FAM222A: variants seen among roughly 807,000 people sequenced by gnomAD.
The protein encoded by FAM222A is protein FAM222A.
In FAM222A, 7 loss-of-function variants were observed where a neutral mutation model predicts 25.8. The observed-to-expected ratio is 0.27, with a 90% CI of 0.15 to 0.51. The LOEUF is 0.51. Among genes scored for constraint, FAM222A ranks in the 20% least tolerant of loss-of-function variants. The pLI, the probability that FAM222A is intolerant of heterozygous loss-of-function variation, is 0.97. For synonymous variants in FAM222A, 294 were observed against 298.8 expected (o/e 0.98, Z 0.17); for missense variants, 573 against 640.5 (o/e 0.89, Z 1.14).
At position 109,748,334 on chromosome 12, in the gene FAM222A, CTT is replaced by C. The variant is rs61492433; in HGVS notation, c.82+4125_82+4126del. ...AAGAGATTGTTCTTTGGTTTTCTTT[CTT>C]TTTTTTTTTTTTTTTTTTGGAACAA... On this transcript the variant is annotated intron_variant, in intron 2 of 2. Coordinates refer to ENST00000538780, the MANE Select transcript of FAM222A (RefSeq NM_032829.3). Among the ~76,000 whole-genome samples the C allele has an allele frequency of 1.2e-3, 96 of 81,654 alleles. 1 individual carries two copies. The highest frequency in any genetic ancestry group is 2.9e-3 in the Admixed American group (25 of 8,714). The allele number at this position is 81,654 out of a possible 152,430, so 53.6% of individuals were successfully genotyped here.
In FAM222A at chr12:109,770,309, G is replaced by C. The variant is rs559800196; in HGVS notation, c.*1021G>C. ...TCCCCTCACGAAGTCCTCAAGTCCT[G>C]GCCCCTCTGGCGCTCTGGAAGCGGT... On this transcript the variant is annotated 3_prime_UTR_variant, in exon 3 of 3. Coordinates refer to ENST00000538780, the MANE Select transcript of FAM222A (RefSeq NM_032829.3). 1 of 152,718 alleles carries C rather than the reference G, an allele frequency of 6.5e-6. No homozygotes were observed. Among genetic ancestry groups the C allele is most frequent in the East Asian group, 1.9e-4 (1 of 5,184 alleles). 9.5% of individuals were successfully genotyped at this position (152,718 alleles called of 1,614,324 possible).
Position 109,717,362 on chromosome 12 carries a change from T to C in FAM222A, c.-47+2465T>C, listed in dbSNP as rs1453083871. Among the ~76,000 whole-genome samples the C allele has an allele frequency of 2.0e-5, 3 of 152,240 alleles. No individual in the cohort carries two copies. The East Asian group carries it at 5.8e-4, about 29-fold the overall frequency. ...TCTGGGCTTGCTTGGAGGGAGGCGG[T>C]GAAGCTGCCCCTGGCCGCCCCAGGG... On this transcript the variant is annotated intron_variant, in intron 1 of 2. Coordinates refer to ENST00000538780, the MANE Select transcript of FAM222A (RefSeq NM_032829.3).
In FAM222A at chr12:109,770,002, T is replaced by C. The variant is rs12319172; in HGVS notation, c.*714T>C. 3,566 of 152,382 alleles carry C rather than the reference T, an allele frequency of 0.023. 134 individuals carry two copies. The highest frequency in any genetic ancestry group is 0.081 in the African/African-American group (3,366 of 41,562). 9.4% of individuals were successfully genotyped at this position (152,382 alleles called of 1,614,324 possible). A position where few individuals can be genotyped will look rare whatever the true frequency, so the allele number is the denominator to read the frequency against. On this transcript the variant is annotated 3_prime_UTR_variant, in exon 3 of 3. Coordinates refer to ENST00000538780, the MANE Select transcript of FAM222A (RefSeq NM_032829.3). The stretch of plus-strand genomic sequence containing the variant: ...GGGTACAGTTGTTCAGGCTGTGCAC[T>C]GCACAAGGGCACCTTGTCCAAGGAG...
Position 109,718,351 on chromosome 12 carries a change from G to A in FAM222A, c.-47+3454G>A, listed in dbSNP as rs191681577. Among the ~76,000 whole-genome samples the A allele has an allele frequency of 4.3e-3, 517 of 120,634 alleles. 2 individuals are homozygous for A. Among genetic ancestry groups the A allele is most frequent in the South Asian group, 6.0e-3 (24 of 3,974 alleles). 79.1% of individuals were successfully genotyped at this position (120,634 alleles called of 152,430 possible). Reference sequence around the variant, plus strand: ...ACCGGTGGCTCTTTTCTGAGCTTCTGCGGGGGCTGGGACTTGGCCGGGGGT... The same window carrying A: ...ACCGGTGGCTCTTTTCTGAGCTTCTACGGGGGCTGGGACTTGGCCGGGGGT... On this transcript the variant is annotated intron_variant, in intron 1 of 2. Transcript: ENST00000538780.
chr12:109,745,923 T>C (rs1033151104), intron 2 of FAM222A, among the ~76,000 whole-genome samples: 1 of 152,056 alleles, frequency 6.6e-6, no homozygotes, highest in East Asian at 1.9e-4. Context: ...TTTTTTTTAA[T>C]TGGGTGGTGG....
Position 109,768,994 on chromosome 12 carries a change from A to C in FAM222A, c.1065A>C (p.Thr355=). 6.3e-7 allele frequency: 1 copy of C among 1,574,894 alleles called. No homozygotes were observed. The highest frequency in any genetic ancestry group is 8.6e-7 in the Non-Finnish European group (1 of 1,163,842). Reference sequence around the variant, plus strand: ...CCCCGTGGAACAGTGTGCTGGTGACACCCACCAGCGACTGCTACAACCCAG... The same window carrying C: ...CCCCGTGGAACAGTGTGCTGGTGACCCCCACCAGCGACTGCTACAACCCAG... ...FAAPWNSVLV[T]PTSDCYNPAA... Residue 355 remains threonine (T), a synonymous_variant, in exon 3 of 3, where the codon ACA becomes ACC. Transcript: ENST00000538780.
intron 1 of FAM222A, chr12:109,720,194 G>C (rs1887722200): frequency 1.0e-6 from 1 of 985,090 alleles, no homozygotes; most frequent in Non-Finnish European, 1.2e-6. Context: ...TTGGGGCCCT[G>C]GGGGCCCCTG....
At chr12:109,743,841 G>T in intron 1 of FAM222A, 1 of 985,390 alleles carries the variant, frequency 1.0e-6, no homozygotes, top group South Asian at 4.7e-5. Context: ...CCCAGATGCC[G>T]AGCAGGGCCG....
intron 1 of FAM222A, among the ~76,000 whole-genome samples, chr12:109,726,188 T>G (rs1208683897): frequency 6.6e-6 from 1 of 151,032 alleles, no homozygotes; most frequent in Non-Finnish European, 1.5e-5. Flanking sequence ...TCCACCAGAC[T>G]TGGTTTCAAA....
chr12:109,723,818 T>C (rs1314526420), intron 1 of FAM222A, among the ~76,000 whole-genome samples: 1 of 152,242 alleles, frequency 6.6e-6, no homozygotes, highest in Admixed American at 6.5e-5. Context: ...CCTGTCAGTG[T>C]GGAGCTCCCC....
At chr12:109,721,381 C>T (rs1336200347) in intron 1 of FAM222A, among the ~76,000 whole-genome samples, 1 of 152,086 alleles carries the variant, frequency 6.6e-6, no homozygotes, top group Non-Finnish European at 1.5e-5. Context: ...CCAGACTCAG[C>T]CGCGTCCTTC....
chr12:109,735,304 C>T (rs1468724102), intron 1 of FAM222A, among the ~76,000 whole-genome samples: 1 of 152,254 alleles, frequency 6.6e-6, no homozygotes, highest in Non-Finnish European at 1.5e-5. Flanking sequence ...CACCAACCAA[C>T]CCCGTGGTCC....
chr12:109,735,148 C>T (rs763560334), intron 1 of FAM222A, among the ~76,000 whole-genome samples: 1 of 152,228 alleles, frequency 6.6e-6, no homozygotes, highest in South Asian at 2.1e-4. Flanking sequence ...TCTCCTCCCC[C>T]GACCTGGGCC....
chr12:109,735,336 T>C (rs1181408034), intron 1 of FAM222A, among the ~76,000 whole-genome samples: 1 of 152,242 alleles, frequency 6.6e-6, no homozygotes, highest in Non-Finnish European at 1.5e-5. Context: ...CTTCCCTCTC[T>C]GTTTCCTCGT....
intron 1 of FAM222A, among the ~76,000 whole-genome samples, chr12:109,736,819 G>A (rs191523083): frequency 1.1e-3 from 172 of 152,242 alleles, no homozygotes; most frequent in African/African-American, 3.8e-3. Flanking sequence ...CTCTTGCGCC[G>A]GGAGCTGGCC....
intron 1 of FAM222A, among the ~76,000 whole-genome samples, chr12:109,730,551 T>TA (rs1352464040): frequency 6.6e-6 from 1 of 152,168 alleles, no homozygotes; most frequent in Non-Finnish European, 1.5e-5. Context: ...GAAGCTCAGA[T>TA]ACTCCTTTTT....
At chr12:109,746,968 A>C (rs1888412460) in intron 2 of FAM222A, among the ~76,000 whole-genome samples, 1 of 152,268 alleles carries the variant, frequency 6.6e-6, no homozygotes. Flanking sequence ...TCATTATACC[A>C]GTTGCGCATC....
chr12:109,767,525 G>A (rs966982878), intron 2 of FAM222A, among the ~76,000 whole-genome samples: 4 of 152,088 alleles, frequency 2.6e-5, no homozygotes, highest in Non-Finnish European at 4.4e-5. Context: ...AATAGATTGC[G>A]GCATAGTCAC....
At chr12:109,719,307 C>A (rs530747140) in intron 1 of FAM222A, among the ~76,000 whole-genome samples, 17 of 152,336 alleles carry the variant, frequency 1.1e-4, no homozygotes, top group Admixed American at 8.5e-4. Flanking sequence ...CGAGGTCACA[C>A]AGCCAGGGAG....
Sources: allele counts gnomAD v4.1 joint callset (sites outside exome capture counted in the v4.1 genomes callset), GRCh38; gene constraint gnomAD v4.1.1; transcripts MANE v1.5; gene names NCBI Gene and HGNC (gene_info 2026-07-23, HGNC 2026-07-21).